The following TMEM14A variants were observed in gnomAD, a reference collection of about 807,000 sequenced individuals.
The protein encoded by TMEM14A is transmembrane protein 14A.
Under a neutral mutation model 11.6 loss-of-function variants are expected in TMEM14A, and 8 were observed. The observed-to-expected ratio is 0.69, with a 90% confidence interval of 0.40 to 1.24. The LOEUF (loss-of-function observed/expected upper bound fraction) is 1.24. TMEM14A is among the 50% of genes most tolerant of loss of function. The pLI, the probability that TMEM14A is intolerant of heterozygous loss-of-function variation, is 0.01. For synonymous variants in TMEM14A, 34 were observed against 45.5 expected (o/e 0.75, Z 1.02); for missense variants, 108 against 121.9 (o/e 0.89, Z 0.54).
rs1769492746 is a variant in TMEM14A at position 52,686,300 on chromosome 6, T to A, written c.*251T>A. 2.5e-6 allele frequency: 1 copy of A among 401,838 alleles called. No homozygotes were observed. Among genetic ancestry groups the A allele is most frequent in the Admixed American group, 4.3e-5 (1 of 23,356 alleles). The allele number at this position is 401,838 out of a possible 1,614,324, so 24.9% of individuals were successfully genotyped here. On this transcript the variant is annotated 3_prime_UTR_variant, in exon 5 of 5. Coordinates refer to ENST00000211314, the MANE Select transcript of TMEM14A (RefSeq NM_014051.4). ...ATGATATACTCTTCCATTTGTTGTG[T>A]CTATTTTTTATATATTTGGTATTTT...
intron 2 of TMEM14A, among the ~76,000 whole-genome samples, chr6:52,680,669 G>GTATATATATATATACATATATGTATA (rs1292202822): frequency 0.014 from 505 of 35,954 alleles, 31 homozygotes; most frequent in Middle Eastern, 0.048. Flanking sequence ...ATATATATGT[G>GTATATATATATATACATATATGTATA]TATATATATA....
intron 4 of TMEM14A, among the ~76,000 whole-genome samples, chr6:52,684,794 T>A (rs901924779): frequency 6.6e-6 from 1 of 152,258 alleles, no homozygotes; most frequent in Admixed American, 6.5e-5. Context: ...TTTCACTTTT[T>A]GGAATTTATT....
At chr6:52,677,045 C>G in intron 1 of TMEM14A, 42 bp from the exon 2 acceptor site, 1 of 1,596,196 alleles carries the variant, frequency 6.3e-7, no homozygotes, top group Middle Eastern at 1.7e-4. Flanking sequence ...CTCCCCAAAA[C>G]TTTTTTATTT....
At chr6:52,683,827 C>G (rs148746524) in intron 3 of TMEM14A, among the ~76,000 whole-genome samples, 2,275 of 152,238 alleles carry the variant, frequency 0.015, 48 homozygotes, top group African/African-American at 0.051. Context: ...GTTGGTCAGA[C>G]TGGCCTCAAA....
chr6:52,686,134 T>C lies in TMEM14A; in HGVS notation c.*85T>C. On this transcript the variant is annotated 3_prime_UTR_variant, in exon 5 of 5. Transcript: ENST00000211314. Reference sequence around the variant, plus strand: ...TTTTTTTGTATTTAAAAGATAAACTTCAATATGGAATGCTAGAAACACAAA... The same window carrying C: ...TTTTTTTGTATTTAAAAGATAAACTCCAATATGGAATGCTAGAAACACAAA... 1.5e-6 allele frequency: 2 copies of C among 1,307,196 alleles called. No individual in the cohort carries two copies. Among genetic ancestry groups the C allele is most frequent in the Non-Finnish European group, 2.1e-6 (2 of 943,646 alleles). The allele number at this position is 1,307,196 out of a possible 1,614,324, so 81.0% of individuals were successfully genotyped here.
Position 52,672,025 on chromosome 6 carries a change from T to C in TMEM14A, c.-17+780T>C, listed in dbSNP as rs142311410. Among the ~76,000 whole-genome samples the C allele has an allele frequency of 4.0e-4, 61 of 152,356 alleles. 1 individual carries two copies. The highest frequency in any genetic ancestry group is 1.3e-3 in the African/African-American group (56 of 41,578). The stretch of plus-strand genomic sequence containing the variant: ...GCATTGGGAGTAGATTTATTTTGCC[T>C]CTTTAGAACAACAGTCAGTTCGCTA... On this transcript the variant is annotated intron_variant, in intron 1 of 4. Transcript: ENST00000211314.
rs1769369570 is a variant in TMEM14A, at chr6:52,680,697, A to ATATATATACATATATGTG, written c.71-1106_71-1105insTATATGTGTATATATACA. On this transcript the variant is annotated intron_variant, in intron 2 of 4. Transcript: ENST00000211314. The stretch of plus-strand genomic sequence containing the variant: ...TATATATATATACATATATGTATAT[A>ATATATATACATATATGTG]TATATATACACATATATATATGGCA... Among the ~76,000 whole-genome samples the ATATATATACATATATGTG allele has an allele frequency of 2.2e-5, 2 of 92,238 alleles. 1 individual carries two copies. The highest frequency in any genetic ancestry group is 2.2e-4 in the Admixed American group (2 of 8,972). The allele number at this position is 92,238 out of a possible 152,430, so 60.5% of individuals were successfully genotyped here.
intron 1 of TMEM14A, among the ~76,000 whole-genome samples, chr6:52,674,612 T>C (rs889204782): frequency 6.6e-6 from 1 of 152,154 alleles, no homozygotes; most frequent in African/African-American, 2.4e-5. Context: ...CTCAAAAACA[T>C]TATAACCTCT....
Position 52,686,351 on chromosome 6 carries a change from CAAGT to C in TMEM14A, c.*306_*309del, listed in dbSNP as rs1475370761. ...TTGAAAATTCCAAATACTCATGTCT[CAAGT>C]AAGCTTAAACTACAACTTGTCACAT... On this transcript the variant is annotated 3_prime_UTR_variant, in exon 5 of 5. Transcript: ENST00000211314. 4.1e-5 allele frequency: 16 copies of C among 390,880 alleles called. No individual in the cohort carries two copies. The highest frequency in any genetic ancestry group is 5.9e-5 in the Non-Finnish European group (13 of 220,324). The allele number at this position is 390,880 out of a possible 1,614,324, so 24.2% of individuals were successfully genotyped here. A position where few individuals can be genotyped will look rare whatever the true frequency, so the allele number is the denominator to read the frequency against.
intron 1 of TMEM14A, among the ~76,000 whole-genome samples, chr6:52,673,376 G>A (rs971619371): frequency 6.6e-6 from 1 of 152,162 alleles, no homozygotes; most frequent in East Asian, 1.9e-4. Flanking sequence ...GCCAGGTAGA[G>A]GTCATTGAGG....
intron 2 of TMEM14A, among the ~76,000 whole-genome samples, chr6:52,680,611 A>ATG (rs1554137441): frequency 3.7e-5 from 4 of 107,528 alleles, no homozygotes; most frequent in Non-Finnish European, 7.6e-5. Context: ...ATATATATAT[A>ATG]TGTATATATA....
intron 1 of TMEM14A, among the ~76,000 whole-genome samples, chr6:52,676,716 C>T (rs1326971568): frequency 2.0e-5 from 3 of 152,100 alleles, no homozygotes; most frequent in Non-Finnish European, 2.9e-5. Context: ...GTACAGGAGG[C>T]GTGGCTGGAG....
At chr6:52,680,704 T>TATATATATATATATATACACACAC (rs371102796) in intron 2 of TMEM14A, among the ~76,000 whole-genome samples, 3 of 51,102 alleles carry the variant, frequency 5.9e-5, no homozygotes, top group Non-Finnish European at 1.3e-4. Context: ...TATATATATA[T>TATATATATATATATATACACACAC]ACACATATAT....
At chr6:52,674,523 G>C (rs1318996984) in intron 1 of TMEM14A, among the ~76,000 whole-genome samples, 2 of 151,964 alleles carry the variant, frequency 1.3e-5, no homozygotes, top group East Asian at 3.8e-4. Flanking sequence ...CATACCATAG[G>C]GTGTGGTCAT....
At position 52,678,311 on chromosome 6, in the gene TMEM14A, GTGTGTGTATGTGTGTGTT is replaced by G. The variant is rs1318654740; in HGVS notation, c.70+1147_70+1164del. On this transcript the variant is annotated intron_variant, in intron 2 of 4. Transcript: ENST00000211314. Reference sequence around the variant, plus strand: ...GAAAGTGGGGAGAGAGATATAGAGAGTGTGTGTATGTGTGTGTTTGTGTGTGTGTGTGTGTGTGTGTGT... The same window carrying G: ...GAAAGTGGGGAGAGAGATATAGAGAGTGTGTGTGTGTGTGTGTGTGTGTGT... Among the ~76,000 whole-genome samples, 104 of 33,204 alleles carry G rather than the reference GTGTGTGTATGTGTGTGTT, an allele frequency of 3.1e-3. 2 individuals carry two copies. The South Asian group carries it at 0.092, about 29-fold the overall frequency. The allele number at this position is 33,204 out of a possible 152,430, so 21.8% of individuals were successfully genotyped here. A position where few individuals can be genotyped will look rare whatever the true frequency, so the allele number is the denominator to read the frequency against.
chr6:52,672,446 C>T (rs1769179244), intron 1 of TMEM14A, among the ~76,000 whole-genome samples: 1 of 150,406 alleles, frequency 6.6e-6, no homozygotes, highest in Non-Finnish European at 1.5e-5. Context: ...TCATAAGCTT[C>T]AGATCTGTAT....
At chr6:52,671,679 G>A (rs1041232085) in intron 1 of TMEM14A, among the ~76,000 whole-genome samples, 4 of 152,296 alleles carry the variant, frequency 2.6e-5, no homozygotes, top group Middle Eastern at 3.4e-3. Flanking sequence ...ACAGTTCACC[G>A]AAAATCTCTT....
rs1769427452 is a variant in TMEM14A, at chr6:52,683,406, G to A, written c.173-672G>A. ...ACCCGGGAGGTGGAGGTTGCAGTGA[G>A]CTGAGATCACGCCACTGTACTCCAG... On this transcript the variant is annotated intron_variant, in intron 3 of 4. Coordinates refer to ENST00000211314, the MANE Select transcript of TMEM14A (RefSeq NM_014051.4). Among the ~76,000 whole-genome samples the A allele has an allele frequency of 2.7e-5, 4 of 150,120 alleles. No homozygotes were observed. In the Admixed American group the frequency reaches 2.7e-4, roughly 10 times the overall value.
chr6:52,679,128 G>A (rs145979653), intron 2 of TMEM14A, among the ~76,000 whole-genome samples: 1 of 152,306 alleles, frequency 6.6e-6, no homozygotes, highest in Non-Finnish European at 1.5e-5. Flanking sequence ...GACACAAGTT[G>A]GGTTAAACGG....
Sources: gnomAD v4.1 joint callset for allele counts (sites outside exome capture counted in the v4.1 genomes callset) on GRCh38, gnomAD v4.1.1 for gene constraint, MANE v1.5 for transcripts, NCBI Gene and HGNC (gene_info 2026-07-23, HGNC 2026-07-21) for gene names.